TYW1B: variants seen among roughly 807,000 people sequenced by gnomAD.
TYW1B encodes tRNA-yW synthesizing protein 1 homolog B.
Under a neutral mutation model 86.9 loss-of-function variants are expected in TYW1B, and 73 were observed. The ratio of observed to expected loss-of-function variants is 0.84; its 90% CI spans 0.70 to 1.02. TYW1B has a LOEUF of 1.02. Ranked by LOEUF, TYW1B falls within the 50% of genes least tolerant of loss-of-function variation. The pLI, the probability that TYW1B is intolerant of heterozygous loss-of-function variation, is 0.00. For missense variants in TYW1B, 637 were observed against 827.4 expected (o/e 0.77, Z 2.82); for synonymous variants, 248 against 292.8 (o/e 0.85, Z 1.56).
At chr7:72,784,542 G>T (rs1554472137) in intron 6 of TYW1B, among the ~76,000 whole-genome samples, 1 of 152,166 alleles carries the variant, frequency 6.6e-6, no homozygotes, top group African/African-American at 2.4e-5. Flanking sequence ...CTGTTGCCTA[G>T]GCTGGAGTAC....
At chr7:72,773,217 T>C (rs1484395283) in intron 7 of TYW1B, among the ~76,000 whole-genome samples, 3 of 152,204 alleles carry the variant, frequency 2.0e-5, no homozygotes, top group African/African-American at 7.2e-5. Context: ...AGATCTGTAG[T>C]TGACCACAGC....
intron 11 of TYW1B, among the ~76,000 whole-genome samples, chr7:72,689,040 G>A (rs1368463425): frequency 6.6e-6 from 1 of 152,184 alleles, no homozygotes; most frequent in Non-Finnish European, 1.5e-5. Context: ...AGCCCTGGGG[G>A]ATCTATGCCT....
chr7:72,781,489 A>T (rs1439808623), intron 6 of TYW1B, among the ~76,000 whole-genome samples: 10 of 152,084 alleles, frequency 6.6e-5, no homozygotes, highest in African/African-American at 2.4e-4. Context: ...GACAGATTTG[A>T]GTGTTTCTTC....
At chr7:72,655,013 T>C (rs1425294654) in intron 11 of TYW1B, among the ~76,000 whole-genome samples, 1 of 152,146 alleles carries the variant, frequency 6.6e-6, no homozygotes, top group Non-Finnish European at 1.5e-5. Context: ...ACTATCTTTG[T>C]AATTTTTCTG....
At chr7:72,719,968 C>T (rs1379861421) in intron 9 of TYW1B, among the ~76,000 whole-genome samples, 13 of 152,010 alleles carry the variant, frequency 8.6e-5, no homozygotes, top group East Asian at 1.9e-4. Flanking sequence ...TAGATCACAT[C>T]GGGTTCTCCG....
rs782341439 is a variant in TYW1B at position 72,791,413 on chromosome 7, CAAAA to C, written c.846+10983_846+10986del. ...AGCATTAAAGACTGATGCTAAACCT[CAAAA>C]AAAAAAAAAAAAAAGGAAATATCAA... On this transcript the variant is annotated intron_variant, in intron 6 of 13. Transcript: ENST00000620995. Among the ~76,000 whole-genome samples, 665 of 139,684 alleles carry C rather than the reference CAAAA, an allele frequency of 4.8e-3. 6 individuals carry two copies. The highest frequency in any genetic ancestry group is 0.011 in the African/African-American group (393 of 37,420). The allele number at this position is 139,684 out of a possible 152,430, so 91.6% of individuals were successfully genotyped here.
chr7:72,590,499 C>A (rs1228243092), intron 13 of TYW1B, among the ~76,000 whole-genome samples: 2 of 152,138 alleles, frequency 1.3e-5, no homozygotes, highest in Non-Finnish European at 2.9e-5. Flanking sequence ...CTCTTTCCCA[C>A]CTTTGGGAGG....
intron 6 of TYW1B, among the ~76,000 whole-genome samples, chr7:72,785,621 A>G (rs1788116037): frequency 6.6e-6 from 1 of 152,106 alleles, no homozygotes; most frequent in South Asian, 2.1e-4. Flanking sequence ...CAGATACACA[A>G]GCTGAGATGT....
chr7:72,603,118 A>C (rs1166716920), intron 13 of TYW1B, among the ~76,000 whole-genome samples: 1 of 151,954 alleles, frequency 6.6e-6, no homozygotes. Context: ...GGATGGATGG[A>C]TGGATGGATG....
chr7:72,752,046 G>C (rs1213756996), intron 7 of TYW1B, among the ~76,000 whole-genome samples: 1 of 152,222 alleles, frequency 6.6e-6, no homozygotes, highest in African/African-American at 2.4e-5. Context: ...GGCAGCCCCA[G>C]TATCTCTGGG....
chr7:72,757,180 C>G (rs578190488), intron 7 of TYW1B, among the ~76,000 whole-genome samples: 167 of 152,080 alleles, frequency 1.1e-3, no homozygotes, highest in African/African-American at 3.9e-3. Context: ...CCAGCCTGAC[C>G]AACATGGTGA....
chr7:72,695,457 A>C (rs1554451300), intron 10 of TYW1B, among the ~76,000 whole-genome samples: 1 of 152,106 alleles, frequency 6.6e-6, no homozygotes, highest in African/African-American at 2.4e-5. Flanking sequence ...GAAAAAAATG[A>C]ATTCTTATTT....
chr7:72,754,101 T>A (rs1354781441), intron 7 of TYW1B, among the ~76,000 whole-genome samples: 1 of 152,128 alleles, frequency 6.6e-6, no homozygotes, highest in African/African-American at 2.4e-5. Context: ...TGTAAAAAAA[T>A]AATAACAATA....
chr7:72,777,680 C>G, intron 6 of TYW1B, 147 bp from the exon 7 acceptor site: 1 of 968,950 alleles, frequency 1.0e-6, no homozygotes, highest in Non-Finnish European at 1.5e-6. Context: ...TTTTAGAAGG[C>G]CAGGGTAGGC....
At chr7:72,768,999 C>G (rs1450105794) in intron 7 of TYW1B, 1 of 323,962 alleles carries the variant, frequency 3.1e-6, no homozygotes. Context: ...TATTATTTTC[C>G]TACACATTTA....
intron 11 of TYW1B, among the ~76,000 whole-genome samples, chr7:72,644,463 G>A (rs1267170132): frequency 2.0e-5 from 3 of 152,096 alleles, no homozygotes; most frequent in Non-Finnish European, 4.4e-5. Context: ...CAGAAGAATC[G>A]CTTGAACTCA....
At chr7:72,665,646 G>A (rs557145197) in intron 11 of TYW1B, among the ~76,000 whole-genome samples, 1 of 152,242 alleles carries the variant, frequency 6.6e-6, no homozygotes, top group South Asian at 2.1e-4. Flanking sequence ...TTACCAAGTG[G>A]TTGCGCTTTG....
At chr7:72,819,098 T>A (rs1229544937) in intron 2 of TYW1B, among the ~76,000 whole-genome samples, 2 of 151,980 alleles carry the variant, frequency 1.3e-5, no homozygotes, top group Non-Finnish European at 2.9e-5. Flanking sequence ...CATGAGGTTA[T>A]CCCAGGCGGC....
At chr7:72,757,884 GAAT>G (rs1234992597) in intron 7 of TYW1B, among the ~76,000 whole-genome samples, 1 of 152,136 alleles carries the variant, frequency 6.6e-6, no homozygotes, top group Non-Finnish European at 1.5e-5. Context: ...TTGTAGCTAA[GAAT>G]AATGACTTCA....
Sources: allele counts gnomAD v4.1 joint callset (sites outside exome capture counted in the v4.1 genomes callset), GRCh38; gene constraint gnomAD v4.1.1; transcripts MANE v1.5; gene names NCBI Gene and HGNC (gene_info 2026-07-23, HGNC 2026-07-21).